Variants in PATL1 observed in about 807,000 individuals in gnomAD.
PATL1 encodes PAT1 homolog 1, processing body mRNA decay factor.
PATL1 carries 32 observed loss-of-function variants against 100.6 expected under a neutral mutation model. That is an observed-to-expected ratio of 0.32 (90% CI 0.24 to 0.43). PATL1 has a LOEUF of 0.43. PATL1 is among the 20% of genes least tolerant of loss of function. PATL1 has a pLI of 1.00. For synonymous variants in PATL1, 332 were observed against 330.0 expected, an observed-to-expected ratio of 1.01 and a Z score of -0.07; for missense variants, 747 against 949.9, an observed-to-expected ratio of 0.79 and a Z score of 2.81.
chr11:59,653,882 A>ACTTT, intron 9 of PATL1, 101 bp downstream of exon 9: 1 of 1,015,856 alleles, frequency 9.8e-7, no homozygotes, highest in Non-Finnish European at 1.5e-6. Flanking sequence ...GATATGAAGT[A>ACTTT]AACTTACTAA....
chr11:59,656,356 A>T, intron 6 of PATL1, 143 bp downstream of exon 6: 2 of 723,604 alleles, frequency 2.8e-6, no homozygotes, highest in Non-Finnish European at 4.5e-6. Context: ...GGGGACAATT[A>T]GATCCAGCAA....
In PATL1 at chr11:59,647,899, T is replaced by C. The variant is rs772294921; in HGVS notation, c.1748A>G (p.His583Arg). The C allele has an allele frequency of 8.7e-6, 14 of 1,608,224 alleles. No individual in the cohort carries two copies. The East Asian group carries it at 2.0e-4, about 23-fold the overall frequency. ...TCGGATACACATGATCTGTACAAAG[T>C]GGTCATCACTAGGCCTGCAAGGAAG... Reference protein sequence around the residue: ...LPGQERPSDDHFVQIMCIRKG... With the variant: ...LPGQERPSDDRFVQIMCIRKG... The change falls in exon 15 of 19, where the codon CAC becomes CGC. Residue 583 changes from histidine to arginine, a missense_variant. By Grantham distance (29) the His-to-Arg change is conservative. Coordinates refer to ENST00000300146, the MANE Select transcript of PATL1 (RefSeq NM_152716.3).
In PATL1 at chr11:59,647,764, G is replaced by A. The variant is rs749591904; in HGVS notation, c.1883C>T (p.Ala628Val). The A allele has an allele frequency of 5.0e-6, 8 of 1,613,894 alleles. No individual in the cohort carries two copies. The highest frequency in any genetic ancestry group is 6.8e-6 in the Non-Finnish European group (8 of 1,179,834). Reference sequence around the variant, plus strand: ...ATCTTGCATAGTCACCTCATCTTGTGCATCCTTCTTGATAAGGAAAGGGAG... The same window carrying A: ...ATCTTGCATAGTCACCTCATCTTGTACATCCTTCTTGATAAGGAAAGGGAG... ...RNLPFLIKKD[A>V]QDEVLPCLLS... Residue 628 changes from alanine (A) to valine (V), a missense_variant, in exon 15 of 19, where the codon GCA becomes GTA. This residue lies in a region of PATL1 where 434 missense variants were observed against 596.1 expected (regional missense o/e 0.73). Coordinates refer to ENST00000300146, the MANE Select transcript of PATL1 (RefSeq NM_152716.3).
chr11:59,663,208 A>G (rs545884169), intron 2 of PATL1, among the ~76,000 whole-genome samples: 2 of 152,226 alleles, frequency 1.3e-5, no homozygotes, highest in South Asian at 4.1e-4. Context: ...ATTATCCGTA[A>G]TAACGAACTA....
chr11:59,640,663 T>C (rs1226137964), intron 16 of PATL1, among the ~76,000 whole-genome samples: 1 of 151,056 alleles, frequency 6.6e-6, no homozygotes, highest in African/African-American at 2.4e-5. Context: ...GAGCTTGCAG[T>C]GAGCTGCGAT....
intron 3 of PATL1, 108 bp from the exon 4 acceptor site, chr11:59,659,054 T>A: frequency 1.8e-6 from 2 of 1,092,500 alleles, no homozygotes; most frequent in Non-Finnish European, 2.7e-6. Context: ...TGCTTTAGAA[T>A]ACGAAATTAT....
Position 59,636,884 on chromosome 11 carries a change from G to C in PATL1, c.*1506C>G, listed in dbSNP as rs1861199770. The C allele has an allele frequency of 6.6e-6, 1 of 152,566 alleles. No individual in the cohort carries two copies. Among genetic ancestry groups the C allele is most frequent in the African/African-American group, 2.4e-5 (1 of 41,428 alleles). The allele number at this position is 152,566 out of a possible 1,614,324, so 9.5% of individuals were successfully genotyped here. A position where few individuals can be genotyped will look rare whatever the true frequency, so the allele number is the denominator to read the frequency against. ...TTGGTTGTGAAGGGAAGGTAGGAAA[G>C]GCATGTAGTGGAAATGGTCAGTAGA... is the stretch of plus-strand genomic sequence containing the variant. On this transcript the variant is annotated 3_prime_UTR_variant, in exon 19 of 19. Coordinates refer to ENST00000300146, the MANE Select transcript of PATL1 (RefSeq NM_152716.3).
intron 13 of PATL1, among the ~76,000 whole-genome samples, chr11:59,650,127 G>GA (rs755879524): frequency 0.074 from 4,576 of 61,492 alleles, 101 homozygotes; most frequent in African/African-American, 0.084. Context: ...ATCTCAAAAG[G>GA]AAAAAAAAAA....
chr11:59,639,514 A>G (rs2134734343), intron 16 of PATL1, 131 bp from the exon 17 acceptor site: 1 of 670,324 alleles, frequency 1.5e-6, no homozygotes, highest in South Asian at 1.9e-5. Context: ...GCTTTTCTGT[A>G]AAACCAGGTA....
At position 59,650,821 on chromosome 11, in the gene PATL1, AGAG is replaced by A; in HGVS notation, c.1525-11_1525-9del. The A allele has an allele frequency of 6.5e-7, 1 of 1,540,992 alleles. No homozygotes were observed. The highest frequency in any genetic ancestry group is 8.8e-7 in the Non-Finnish European group (1 of 1,136,634). On this transcript the variant is annotated splice_polypyrimidine_tract_variant and intron_variant, in intron 12 of 18. Transcript: ENST00000300146. ...TTGTTTTTCTTTTGTCTCCTAAAAA[AGAG>A]AAGACTATTCAATGCAAATTCTTTA...
Position 59,668,873 on chromosome 11 carries a change from C to A in PATL1, c.15+8G>T. ...AGGGAGGGGTCACTTCCGGTCGCAA[C>A]AGCTCACCTCGTAGCGGAACATTCT... On this transcript the variant is annotated splice_region_variant and intron_variant, in intron 1 of 18. Coordinates refer to ENST00000300146, the MANE Select transcript of PATL1 (RefSeq NM_152716.3). The A allele has an allele frequency of 1.5e-6, 2 of 1,313,424 alleles. No homozygotes were observed. The highest frequency in any genetic ancestry group is 1.0e-6 in the Non-Finnish European group (1 of 981,046). 81.4% of individuals were successfully genotyped at this position (1,313,424 alleles called of 1,614,324 possible). A position where few individuals can be genotyped will look rare whatever the true frequency, so the allele number is the denominator to read the frequency against.
intron 12 of PATL1, among the ~76,000 whole-genome samples, chr11:59,651,112 C>T (rs1189342127): frequency 6.6e-6 from 1 of 151,822 alleles, no homozygotes; most frequent in Non-Finnish European, 1.5e-5. Flanking sequence ...CAATGGTACA[C>T]GTGCAGGTTA....
Position 59,650,739 on chromosome 11 carries a change from A to G in PATL1, c.1584+15T>C, listed in dbSNP as rs1377543195. On this transcript the variant is annotated intron_variant, in intron 13 of 18. Transcript: ENST00000300146. ...CGTATTTGAAACTAACTACAGCAAC[A>G]AATTCTAAACTTACTTTCTCAATTA... 1 of 1,536,362 alleles carries G rather than the reference A, an allele frequency of 6.5e-7. No homozygotes were observed. The highest frequency in any genetic ancestry group is 2.4e-5 in the East Asian group (1 of 42,038).
At chr11:59,658,552 A>G (rs1590702799) in intron 4 of PATL1, among the ~76,000 whole-genome samples, 3 of 152,004 alleles carry the variant, frequency 2.0e-5, no homozygotes, top group Admixed American at 2.0e-4. Flanking sequence ...TGAACTCCTC[A>G]CCTCAAGTGA....
At chr11:59,648,216 C>T (rs543061681) in intron 14 of PATL1, among the ~76,000 whole-genome samples, 77 of 147,210 alleles carry the variant, frequency 5.2e-4, no homozygotes, top group African/African-American at 8.0e-4. Flanking sequence ...GACGAAGTCC[C>T]GCTTTGTTAC....
chr11:59,646,678 T>C (rs1411130981), intron 15 of PATL1, among the ~76,000 whole-genome samples: 3 of 152,246 alleles, frequency 2.0e-5, no homozygotes. Context: ...ATTACTCAAC[T>C]TGTAGTCTAT....
chr11:59,638,476 T>C, intron 18 of PATL1, 65 bp from the exon 19 acceptor site: 3 of 1,377,430 alleles, frequency 2.2e-6, no homozygotes, highest in Admixed American at 1.8e-5. Context: ...CAATCTTTCA[T>C]ATTACAGTTA....
chr11:59,647,347 A>C (rs1215267455), intron 15 of PATL1, among the ~76,000 whole-genome samples: 1 of 152,140 alleles, frequency 6.6e-6, no homozygotes, highest in Non-Finnish European at 1.5e-5. Flanking sequence ...CTTCATATCT[A>C]GCAAAATAAC....
chr11:59,651,728 C>G, intron 11 of PATL1, 87 bp from the exon 12 acceptor site: 1 of 837,252 alleles, frequency 1.2e-6, no homozygotes, highest in Non-Finnish European at 1.9e-6. Flanking sequence ...TTTTACTTTC[C>G]TCTGTCCCTT....
Sources: gnomAD v4.1 joint callset for allele counts (sites outside exome capture counted in the v4.1 genomes callset) on GRCh38, gnomAD v4.1.1 for gene constraint, gnomAD v4.1.1 regional missense constraint, MANE v1.5 for transcripts, NCBI Gene and HGNC (gene_info 2026-07-23, HGNC 2026-07-21) for gene names.